The following WIF1 variants were observed in gnomAD, a reference collection of about 807,000 sequenced individuals.
WIF1 encodes the protein Wnt inhibitory factor 1.
Under a neutral mutation model 53.5 loss-of-function variants are expected in WIF1, and 35 were observed. That is an observed-to-expected ratio of 0.65 (90% CI 0.50 to 0.87). The LOEUF (loss-of-function observed/expected upper bound fraction) is 0.87. Among genes scored for constraint, WIF1 ranks in the 40% least tolerant of loss-of-function variants. WIF1 has a pLI of 0.00. For synonymous variants in WIF1, 171 were observed against 170.4 expected (o/e 1.00, Z -0.03); for missense variants, 467 against 476.8 (o/e 0.98, Z 0.19).
chr12:65,087,839 T>G (rs1565755826), intron 2 of WIF1, among the ~76,000 whole-genome samples: 1 of 152,050 alleles, frequency 6.6e-6, no homozygotes, highest in Non-Finnish European at 1.5e-5. Flanking sequence ...AAAAAAAAAG[T>G]CTGTAACCTC....
At chr12:65,114,799 C>T (rs1883484717) in intron 2 of WIF1, among the ~76,000 whole-genome samples, 1 of 152,290 alleles carries the variant, frequency 6.6e-6, no homozygotes. Context: ...ATCCCCAGGG[C>T]AGCAGACAAA....
intron 2 of WIF1, among the ~76,000 whole-genome samples, chr12:65,111,713 C>T (rs1353847058): frequency 6.6e-6 from 1 of 152,190 alleles, no homozygotes; most frequent in Non-Finnish European, 1.5e-5. Flanking sequence ...TTCTAATTTT[C>T]TCAAGAGCAG....
In WIF1 at chr12:65,055,974, C is replaced by G; in HGVS notation, c.922+57G>C. 6 of 1,501,052 alleles carry G rather than the reference C, an allele frequency of 4.0e-6. No individual in the cohort carries two copies. The South Asian group carries it at 7.1e-5, about 18-fold the overall frequency. 93.0% of individuals were successfully genotyped at this position (1,501,052 alleles called of 1,614,324 possible). ...AAGCACGGAAGTATGTAGTGAGAGA[C>G]TCCTGCTAGTTTAACGACCTAGTAG... is the stretch of plus-strand genomic sequence containing the variant. On this transcript the variant is annotated intron_variant, in intron 8 of 9. Coordinates refer to ENST00000286574, the MANE Select transcript of WIF1 (RefSeq NM_007191.5).
At chr12:65,093,351 G>A (rs973320674) in intron 2 of WIF1, among the ~76,000 whole-genome samples, 9 of 152,138 alleles carry the variant, frequency 5.9e-5, no homozygotes, top group East Asian at 1.9e-4. Flanking sequence ...CATTTGTAAC[G>A]TTAGCCAAAC....
chr12:65,070,258 C>A (rs962091685), intron 3 of WIF1, among the ~76,000 whole-genome samples: 1 of 151,938 alleles, frequency 6.6e-6, no homozygotes, highest in Admixed American at 6.6e-5. Flanking sequence ...TTTCTAGCTC[C>A]CCTGAAACTT....
chr12:65,067,226 C>T, intron 5 of WIF1, among the ~76,000 whole-genome samples: 1 of 152,124 alleles, frequency 6.6e-6, no homozygotes, highest in Non-Finnish European at 1.5e-5. Flanking sequence ...AGTATTTAAA[C>T]ATCTTATGAT....
At chr12:65,110,965 C>T (rs74099749) in intron 2 of WIF1, among the ~76,000 whole-genome samples, 5,272 of 152,164 alleles carry the variant, frequency 0.035, 307 homozygotes, top group African/African-American at 0.12. Flanking sequence ...TAATCAGAGA[C>T]ATGGGGGAAG....
chr12:65,052,814 G>T (rs1295255610), intron 9 of WIF1, among the ~76,000 whole-genome samples: 1 of 152,146 alleles, frequency 6.6e-6, no homozygotes, highest in Non-Finnish European at 1.5e-5. Context: ...AGACCTGTCA[G>T]GAGGCATCAT....
chr12:65,109,599 C>T (rs1883399897), intron 2 of WIF1, among the ~76,000 whole-genome samples: 1 of 152,148 alleles, frequency 6.6e-6, no homozygotes, highest in African/African-American at 2.4e-5. Context: ...TTCTTAGGAC[C>T]AAGGACATAC....
chr12:65,092,792 A>G, intron 2 of WIF1, among the ~76,000 whole-genome samples: 1 of 152,074 alleles, frequency 6.6e-6, no homozygotes, highest in South Asian at 2.1e-4. Context: ...CCTTAACCCA[A>G]GGAAAGCTGT....
At chr12:65,105,959 T>C (rs904398232) in intron 2 of WIF1, among the ~76,000 whole-genome samples, 1 of 152,222 alleles carries the variant, frequency 6.6e-6, no homozygotes, top group African/African-American at 2.4e-5. Flanking sequence ...TCTGAGGCCA[T>C]AAGTCCTGTA....
At chr12:65,071,500 C>A (rs963501905) in intron 3 of WIF1, among the ~76,000 whole-genome samples, 2 of 152,070 alleles carry the variant, frequency 1.3e-5, no homozygotes, top group African/African-American at 4.8e-5. Context: ...AATGATATCC[C>A]TAAAAATTAT....
intron 2 of WIF1, among the ~76,000 whole-genome samples, chr12:65,110,124 A>AT (rs1456277653): frequency 6.6e-6 from 1 of 152,178 alleles, no homozygotes; most frequent in Non-Finnish European, 1.5e-5. Flanking sequence ...TTTAGAGATA[A>AT]TCCAAACTGC....
intron 9 of WIF1, 86 bp downstream of exon 9, chr12:65,055,032 G>C: frequency 7.2e-7 from 1 of 1,388,864 alleles, no homozygotes; most frequent in Non-Finnish European, 9.9e-7. Flanking sequence ...AAACCGAAGT[G>C]AAAAGGCTGG....
At chr12:65,063,960 G>A (rs977631986) in intron 6 of WIF1, among the ~76,000 whole-genome samples, 15 of 152,174 alleles carry the variant, frequency 9.9e-5, no homozygotes, top group African/African-American at 3.6e-4. Context: ...CTCTTAATGT[G>A]GAAGGGAGCT....
At chr12:65,056,431 G>C (rs1327978331) in intron 7 of WIF1, among the ~76,000 whole-genome samples, 1 of 107,118 alleles carries the variant, frequency 9.3e-6, no homozygotes, top group Admixed American at 1.3e-4. Context: ...CATTCTGTTG[G>C]CCAGGCTAGT....
intron 6 of WIF1, among the ~76,000 whole-genome samples, chr12:65,064,586 A>T (rs1403278448): frequency 6.6e-6 from 1 of 152,052 alleles, no homozygotes; most frequent in African/African-American, 2.4e-5. Context: ...GTTGAGGTAG[A>T]AATTTTTTTT....
At chr12:65,084,012 T>C (rs1413231295) in intron 2 of WIF1, among the ~76,000 whole-genome samples, 1 of 151,920 alleles carries the variant, frequency 6.6e-6, no homozygotes, top group Non-Finnish European at 1.5e-5. Flanking sequence ...CCACACTTAA[T>C]TTCTTTTTAG....
At chr12:65,089,952 G>T (rs1883098457) in intron 2 of WIF1, among the ~76,000 whole-genome samples, 1 of 151,886 alleles carries the variant, frequency 6.6e-6, no homozygotes, top group Admixed American at 6.6e-5. Context: ...ATTTTTTGTG[G>T]CTGAAAAACT....
Sources: allele counts gnomAD v4.1 joint callset (sites outside exome capture counted in the v4.1 genomes callset), GRCh38; gene constraint gnomAD v4.1.1; transcripts MANE v1.5; gene names NCBI Gene and HGNC (gene_info 2026-07-23, HGNC 2026-07-21).